The following THUMPD2 variants were observed in gnomAD, a reference collection of about 807,000 sequenced individuals.
THUMPD2 encodes U6 snRNA (guanine-N(2))-methyltransferase THUMPD2.
A neutral mutation model predicts 49.4 loss-of-function variants in THUMPD2; 56 were observed. The observed-to-expected ratio is 1.13, with a 90% CI of 0.91 to 1.41. THUMPD2 has a LOEUF of 1.41. Ranked by LOEUF, THUMPD2 falls within the 40% of genes most tolerant of loss-of-function variation. The pLI is 0.00. For missense variants in THUMPD2, 709 were observed against 594.5 expected (o/e 1.19, Z -2.00); for synonymous variants, 237 against 205.2 (o/e 1.15, Z -1.32).
intron 9 of THUMPD2, among the ~76,000 whole-genome samples, 184 bp downstream of exon 9, chr2:39,744,186 G>A (rs555638196): frequency 1.1e-4 from 17 of 152,084 alleles, no homozygotes; most frequent in Admixed American, 6.6e-4. Flanking sequence ...AATTTATAGT[G>A]TAAGATGATA....
In THUMPD2 at chr2:39,744,380, C is replaced by G. The variant is rs1421994699; in HGVS notation, c.1177G>C (p.Glu393Gln). The G allele has an allele frequency of 1.9e-6, 3 of 1,563,792 alleles. No individual in the cohort carries two copies. Among genetic ancestry groups the G allele is most frequent in the Non-Finnish European group, 2.6e-6 (3 of 1,157,784 alleles). The change falls in exon 9 of 10, where the codon GAA (glutamate) becomes CAA (glutamine). Residue 393 changes from glutamate (E) to glutamine (Q), a missense_variant. Glu to Gln is a conservative substitution (Grantham distance 29). Coordinates refer to ENST00000505747, the MANE Select transcript of THUMPD2 (RefSeq NM_025264.5). ...LGKDIKSILQ[E>Q]MERVLHVGGT... ...AATTCAACAACTTACCTTTCCATTTCTTGTAGAATGCTTTTGATGTCTTTT... is the reference window on the plus strand; with the variant it reads ...AATTCAACAACTTACCTTTCCATTTGTTGTAGAATGCTTTTGATGTCTTTT...
intron 9 of THUMPD2, among the ~76,000 whole-genome samples, chr2:39,744,125 C>G (rs890276632): frequency 1.3e-5 from 2 of 150,674 alleles, no homozygotes; most frequent in Admixed American, 6.6e-5. Context: ...GTCACTATTT[C>G]ATACATTCAA....
chr2:39,761,664 C>T (rs3732121), intron 5 of THUMPD2, among the ~76,000 whole-genome samples: 82,356 of 152,000 alleles, frequency 0.54, 22,822 homozygotes, highest in East Asian at 0.76. Flanking sequence ...TACACTCTCA[C>T]GTATTTAATG....
intron 9 of THUMPD2, among the ~76,000 whole-genome samples, chr2:39,742,563 T>G (rs1293791317): frequency 6.6e-6 from 1 of 152,206 alleles, no homozygotes; most frequent in Non-Finnish European, 1.5e-5. Context: ...CATTAGATTT[T>G]CAGTTAGAGT....
In THUMPD2 at chr2:39,736,528, T is replaced by C. The variant is rs1673101029; in HGVS notation, c.*207A>G. On this transcript the variant is annotated 3_prime_UTR_variant, in exon 10 of 10. Transcript: ENST00000505747. ...AAACTTAAGTCTAAAAAATATTCGA[T>C]AACTTTTTTCTCAAAAACATTAAGT... 1 of 436,230 alleles carries C rather than the reference T, an allele frequency of 2.3e-6. No individual in the cohort carries two copies. Among genetic ancestry groups the C allele is most frequent in the Non-Finnish European group, 4.0e-6 (1 of 249,626 alleles). 27.0% of individuals were successfully genotyped at this position (436,230 alleles called of 1,614,324 possible).
intron 8 of THUMPD2, among the ~76,000 whole-genome samples, chr2:39,751,852 TG>T (rs1419529109): frequency 1.3e-5 from 2 of 151,930 alleles, no homozygotes; most frequent in African/African-American, 4.8e-5. Context: ...TAATTTTTTT[TG>T]TTTTTGTAGT....
At chr2:39,752,735 T>C (rs1221064690) in intron 8 of THUMPD2, among the ~76,000 whole-genome samples, 1 of 152,116 alleles carries the variant, frequency 6.6e-6, no homozygotes, top group African/African-American at 2.4e-5. Flanking sequence ...TGATATAATA[T>C]GAAAAAGTTT....
At position 39,769,905 on chromosome 2, in the gene THUMPD2, C is replaced by G; in HGVS notation, c.477G>C (p.Arg159Ser). 1 of 1,592,370 alleles carries G rather than the reference C, an allele frequency of 6.3e-7. No homozygotes were observed. Among genetic ancestry groups the G allele is most frequent in the South Asian group, 1.2e-5 (1 of 85,834 alleles). Residue 159 changes from arginine to serine, a missense_variant, in exon 3 of 10, where the codon AGG becomes AGC. Arg to Ser is a moderately radical substitution (Grantham distance 110). Transcript: ENST00000505747. ...IEQMQKIEEN[R>S]DCQLEKQIKE... The stretch of plus-strand genomic sequence containing the variant: ...TTATTTGTTTTTCCAGCTGGCAGTC[C>G]CTATTCTCTTCTATCTTTTGCATTT...
chr2:39,737,744 C>A (rs931731245), intron 9 of THUMPD2, among the ~76,000 whole-genome samples: 5 of 152,074 alleles, frequency 3.3e-5, no homozygotes, highest in Non-Finnish European at 7.4e-5. Flanking sequence ...GAGGAAGATA[C>A]CTGTGCTATG....
At position 39,769,929 on chromosome 2, in the gene THUMPD2, T is replaced by G; in HGVS notation, c.453A>C (p.Gln151His). The change falls in exon 3 of 10, where the codon CAA (glutamine) becomes CAC (histidine). Residue 151 changes from glutamine to histidine, a missense_variant. Transcript: ENST00000505747. ...CCCTATTCTCTTCTATCTTTTGCAT[T>G]TGTTCTATTTTTAATTTCTTTGCAA... ...EIIAKKLKIE[Q>H]MQKIEENRDC... 6.3e-7 allele frequency: 1 copy of G among 1,577,860 alleles called. No homozygotes were observed. Among genetic ancestry groups the G allele is most frequent in the Non-Finnish European group, 8.5e-7 (1 of 1,170,194 alleles).
intron 6 of THUMPD2, among the ~76,000 whole-genome samples, chr2:39,760,530 A>C (rs934488977): frequency 6.6e-6 from 1 of 152,236 alleles, no homozygotes; most frequent in Non-Finnish European, 1.5e-5. Context: ...GAATAAAAAC[A>C]GGAAGAATAT....
chr2:39,755,792 C>A, intron 7 of THUMPD2, 97 bp downstream of exon 7: 3 of 971,378 alleles, frequency 3.1e-6, no homozygotes, highest in South Asian at 3.2e-5. Flanking sequence ...AAAAATAATC[C>A]CCAAATAGAC....
At chr2:39,750,714 C>G (rs1198230063) in intron 8 of THUMPD2, among the ~76,000 whole-genome samples, 1 of 151,446 alleles carries the variant, frequency 6.6e-6, no homozygotes, top group Non-Finnish European at 1.5e-5. Context: ...CAAAAAACAA[C>G]AAAAAAAAAT....
In THUMPD2 at chr2:39,744,385, A is replaced by G; in HGVS notation, c.1172T>C (p.Leu391Pro). Residue 391 changes from leucine to proline, a missense_variant, in exon 9 of 10, where the codon CTA (leucine) becomes CCA (proline). By Grantham distance (98) the Leu-to-Pro change is moderately conservative. Coordinates refer to ENST00000505747, the MANE Select transcript of THUMPD2 (RefSeq NM_025264.5). ...AACAACTTACCTTTCCATTTCTTGT[A>G]GAATGCTTTTGATGTCTTTTCCTAA... ...FKLGKDIKSI[L>P]QEMERVLHVG... 3 of 1,570,038 alleles carry G rather than the reference A, an allele frequency of 1.9e-6. No homozygotes were observed. In the South Asian group the frequency reaches 3.6e-5, roughly 19 times the overall value.
At chr2:39,738,233 A>C (rs1048905166) in intron 9 of THUMPD2, among the ~76,000 whole-genome samples, 1 of 152,180 alleles carries the variant, frequency 6.6e-6, no homozygotes, top group Non-Finnish European at 1.5e-5. Flanking sequence ...GAAGCCAAAG[A>C]AGTACAGTTT....
At chr2:39,760,437 G>C (rs1260247953) in intron 6 of THUMPD2, among the ~76,000 whole-genome samples, 1 of 152,148 alleles carries the variant, frequency 6.6e-6, no homozygotes, top group Non-Finnish European at 1.5e-5. Context: ...TAACCACAAA[G>C]AGAACAATGA....
chr2:39,739,094 T>A (rs1173782210), intron 9 of THUMPD2, among the ~76,000 whole-genome samples: 3 of 152,154 alleles, frequency 2.0e-5, no homozygotes, highest in Non-Finnish European at 1.5e-5. Flanking sequence ...GGTAGACAGG[T>A]CTTGTTTCCA....
intron 8 of THUMPD2, among the ~76,000 whole-genome samples, chr2:39,752,963 A>G (rs1168661152): frequency 6.6e-6 from 1 of 151,968 alleles, no homozygotes; most frequent in East Asian, 1.9e-4. Context: ...ACTGGATCCC[A>G]TCCTTTTTCA....
chr2:39,770,967 A>G (rs1678233861), intron 2 of THUMPD2, among the ~76,000 whole-genome samples: 1 of 152,142 alleles, frequency 6.6e-6, no homozygotes. Flanking sequence ...ATGTTGTTTT[A>G]GCAGCATATT....
Sources: allele counts gnomAD v4.1 joint callset (sites outside exome capture counted in the v4.1 genomes callset), GRCh38; gene constraint gnomAD v4.1.1; transcripts MANE v1.5; gene names NCBI Gene and HGNC (gene_info 2026-07-23, HGNC 2026-07-21).